The following ARHGAP42 variants were observed in gnomAD, a reference collection of about 807,000 sequenced individuals.
The protein encoded by ARHGAP42 is rho GTPase-activating protein 42.
A neutral mutation model predicts 125.0 loss-of-function variants in ARHGAP42; 63 were observed. The observed-to-expected ratio is 0.50, with a 90% CI of 0.41 to 0.62. The LOEUF (loss-of-function observed/expected upper bound fraction) is 0.62, where lower values mean the gene tolerates loss of function less well. Among genes scored for constraint, ARHGAP42 ranks in the 20% least tolerant of loss-of-function variants. ARHGAP42 has a pLI of 0.00. For missense variants in ARHGAP42, 766 were observed against 1,024.2 expected (o/e 0.75, Z 3.44); for synonymous variants, 339 against 351.0 (o/e 0.97, Z 0.38).
At chr11:100,822,114 A>G (rs150649621) in intron 3 of ARHGAP42, among the ~76,000 whole-genome samples, 1 of 152,130 alleles carries the variant, frequency 6.6e-6, no homozygotes, top group African/African-American at 2.4e-5. Context: ...ATAGGGTGGC[A>G]TTTGACACCT....
At chr11:100,863,680 T>C (rs1225222212) in intron 4 of ARHGAP42, among the ~76,000 whole-genome samples, 1 of 152,190 alleles carries the variant, frequency 6.6e-6, no homozygotes, top group Admixed American at 6.5e-5. Flanking sequence ...ACTTGGAGAT[T>C]AGAAGAATTA....
intron 4 of ARHGAP42, among the ~76,000 whole-genome samples, chr11:100,899,807 A>G (rs1866488934): frequency 6.8e-6 from 1 of 147,648 alleles, no homozygotes; most frequent in Non-Finnish European, 1.5e-5. Flanking sequence ...ATGTCTTTAC[A>G]TGTGGGATGG....
chr11:100,777,061 C>T lies in ARHGAP42; in HGVS notation c.250+6623C>T, dbSNP rs567113127. Reference sequence around the variant, plus strand: ...GTTTTATGGAAATGCTTGTACGAATCGTACATGTACTGATTGATGGATGAG... The same window carrying T: ...GTTTTATGGAAATGCTTGTACGAATTGTACATGTACTGATTGATGGATGAG... On this transcript the variant is annotated intron_variant, in intron 2 of 23. Transcript: ENST00000298815. Among the ~76,000 whole-genome samples the T allele has an allele frequency of 5.3e-5, 8 of 151,622 alleles. No homozygotes were observed. In the East Asian group the frequency reaches 5.8e-4, roughly 11 times the overall value.
At chr11:100,809,576 A>T (rs560057113) in intron 3 of ARHGAP42, among the ~76,000 whole-genome samples, 1 of 152,352 alleles carries the variant, frequency 6.6e-6, no homozygotes, top group South Asian at 2.1e-4. Flanking sequence ...ATTTACTTAA[A>T]AATTAGGAGT....
chr11:100,762,998 A>C (rs1292645549), intron 1 of ARHGAP42, among the ~76,000 whole-genome samples: 1 of 32,256 alleles, frequency 3.1e-5, no homozygotes, highest in African/African-American at 1.1e-4. Context: ...TTTTTTTTTG[A>C]GATGGAGTTT....
chr11:100,968,255 C>A (rs1858149934), intron 17 of ARHGAP42, among the ~76,000 whole-genome samples: 1 of 152,078 alleles, frequency 6.6e-6, no homozygotes, highest in East Asian at 1.9e-4. Context: ...CTTTGATAAT[C>A]TCTGACTTGA....
chr11:100,884,798 A>ATTCTCCTCCAG (rs1182612674), intron 4 of ARHGAP42, among the ~76,000 whole-genome samples: 1 of 152,088 alleles, frequency 6.6e-6, no homozygotes, highest in African/African-American at 2.4e-5. Context: ...CATTCTTCTT[A>ATTCTCCTCCAG]GGTATTCTCC....
intron 2 of ARHGAP42, among the ~76,000 whole-genome samples, chr11:100,793,267 A>G (rs1466718851): frequency 6.6e-6 from 1 of 152,222 alleles, no homozygotes; most frequent in Non-Finnish European, 1.5e-5. Flanking sequence ...GCACAAAAAT[A>G]TAATATGCTG....
intron 3 of ARHGAP42, among the ~76,000 whole-genome samples, chr11:100,845,502 T>A (rs1865044761): frequency 6.7e-6 from 1 of 150,252 alleles, no homozygotes; most frequent in South Asian, 2.1e-4. Context: ...CCTATGAAAA[T>A]AAAAAAAAAC....
chr11:100,777,218 T>A (rs1314284869), intron 2 of ARHGAP42, among the ~76,000 whole-genome samples: 1 of 152,150 alleles, frequency 6.6e-6, no homozygotes, highest in Non-Finnish European at 1.5e-5. Flanking sequence ...GCAATTCAAG[T>A]CACAGGGGCT....
Position 100,991,825 on chromosome 11 carries a change from A to G in ARHGAP42, c.*3024A>G, listed in dbSNP as rs1858837732. ...TGCATGAACACAACCAGGTTTCTCA[A>G]CAATGATTTGTCTGCTGACTCTTTT... On this transcript the variant is annotated 3_prime_UTR_variant, in exon 24 of 24. Coordinates refer to ENST00000298815, the MANE Select transcript of ARHGAP42 (RefSeq NM_152432.4). 1.3e-5 allele frequency: 2 copies of G among 153,694 alleles called. No individual in the cohort carries two copies. Among genetic ancestry groups the G allele is most frequent in the East Asian group, 1.9e-4 (1 of 5,198 alleles). 9.5% of individuals were successfully genotyped at this position (153,694 alleles called of 1,614,324 possible).
intron 3 of ARHGAP42, among the ~76,000 whole-genome samples, chr11:100,835,643 A>G (rs1864768820): frequency 6.6e-6 from 1 of 152,144 alleles, no homozygotes; most frequent in Non-Finnish European, 1.5e-5. Context: ...TTAAGAGGCA[A>G]TATTCCAGAA....
At chr11:100,925,461 G>A (rs1867392771) in intron 6 of ARHGAP42, among the ~76,000 whole-genome samples, 1 of 151,960 alleles carries the variant, frequency 6.6e-6, no homozygotes, top group Admixed American at 6.6e-5. Context: ...TTACTAGCCG[G>A]GCACAGTAGC....
intron 5 of ARHGAP42, among the ~76,000 whole-genome samples, chr11:100,917,001 G>GT (rs1269220510): frequency 2.2e-5 from 3 of 137,084 alleles, no homozygotes; most frequent in Non-Finnish European, 3.1e-5. Context: ...ATACAGGTTT[G>GT]TTTTAAAATA....
intron 1 of ARHGAP42, among the ~76,000 whole-genome samples, chr11:100,693,862 A>G (rs1436366466): frequency 2.0e-5 from 3 of 152,126 alleles, no homozygotes; most frequent in African/African-American, 7.2e-5. Flanking sequence ...GATTGTGTTA[A>G]TGATGGTGTT....
chr11:100,931,163 T>A (rs895529381), intron 6 of ARHGAP42, among the ~76,000 whole-genome samples: 1 of 152,170 alleles, frequency 6.6e-6, no homozygotes, highest in Non-Finnish European at 1.5e-5. Flanking sequence ...AGCAAAAGTA[T>A]CAGGTGCGGA....
intron 4 of ARHGAP42, among the ~76,000 whole-genome samples, chr11:100,911,821 A>C (rs1374859430): frequency 1.3e-5 from 2 of 151,928 alleles, no homozygotes; most frequent in Admixed American, 1.3e-4. Flanking sequence ...GTGGAATCCT[A>C]CTCATTTTCC....
intron 3 of ARHGAP42, among the ~76,000 whole-genome samples, chr11:100,811,604 A>G (rs987136115): frequency 2.0e-5 from 3 of 149,986 alleles, no homozygotes; most frequent in Admixed American, 6.7e-5. Context: ...GGCTCAAGTG[A>G]TTCTTCTGCC....
At chr11:100,781,120 T>G (rs1863301255) in intron 2 of ARHGAP42, among the ~76,000 whole-genome samples, 1 of 152,168 alleles carries the variant, frequency 6.6e-6, no homozygotes, top group Non-Finnish European at 1.5e-5. Context: ...TAATATAAAT[T>G]AATCAGCTTT....
Sources: gnomAD v4.1 joint callset for allele counts (sites outside exome capture counted in the v4.1 genomes callset) on GRCh38, gnomAD v4.1.1 for gene constraint, MANE v1.5 for transcripts, NCBI Gene and HGNC (gene_info 2026-07-23, HGNC 2026-07-21) for gene names.